Variants in F12 observed in about 807,000 individuals in gnomAD.
The protein encoded by F12 is Hageman factor.
In F12, 70 loss-of-function variants were observed where a neutral mutation model predicts 74.8. The observed-to-expected ratio is 0.94, with a 90% CI of 0.77 to 1.14. The LOEUF (loss-of-function observed/expected upper bound fraction) is 1.14. F12 is among the 50% of genes most tolerant of loss of function. The pLI is 0.00. For missense variants in F12, 811 were observed against 835.7 expected (o/e 0.97, Z 0.36); for synonymous variants, 373 against 356.4 (o/e 1.05, Z -0.52).
At chr5:177,406,210 C>G (rs976822948) in intron 2 of F12, 149 bp from the exon 3 acceptor site, 2 of 747,122 alleles carry the variant, frequency 2.7e-6, no homozygotes, top group Non-Finnish European at 4.6e-6. Flanking sequence ...GGTTCAGGGC[C>G]GGGCGCGGTG....
At chr5:177,402,863 G>T in intron 12 of F12, 165 bp from the exon 13 acceptor site, 5 of 994,496 alleles carry the variant, frequency 5.0e-6, no homozygotes, top group Non-Finnish European at 7.5e-6. Flanking sequence ...AGGCAAGGAG[G>T]CTGAGGTCCA....
chr5:177,406,791 G>A (rs1763307220), intron 2 of F12, among the ~76,000 whole-genome samples: 1 of 152,180 alleles, frequency 6.6e-6, no homozygotes, highest in South Asian at 2.1e-4. Context: ...TAACTCCCAA[G>A]TCAATACTTG....
At chr5:177,406,305 A>ATG (rs1561642418) in intron 2 of F12, among the ~76,000 whole-genome samples, 30 of 151,882 alleles carry the variant, frequency 2.0e-4, no homozygotes, top group East Asian at 1.4e-3. Context: ...TGGCTAATAC[A>ATG]GTGAAACCCC....
In F12 at chr5:177,404,642, A is replaced by C. The variant is rs367623070; in HGVS notation, c.657T>G (p.Asp219Glu). Residue 219 changes from aspartate (D) to glutamate (E), a missense_variant, in exon 8 of 14, where the codon GAT becomes GAG. Asp to Glu is a conservative substitution (Grantham distance 45). Coordinates refer to ENST00000253496, the MANE Select transcript of F12 (RefSeq NM_000505.4). Reference sequence around the variant, plus strand: ...GGCCGCGGTAGCTGAGCCCGCGGCCATCATAGCAGCTTGCCTTGGTGTCTG... The same window carrying C: ...GGCCGCGGTAGCTGAGCCCGCGGCCCTCATAGCAGCTTGCCTTGGTGTCTG... ...CDVDTKASCYDGRGLSYRGLA... is the reference protein window; with the variant it reads ...CDVDTKASCYEGRGLSYRGLA... 1.9e-6 allele frequency: 3 copies of C among 1,606,556 alleles called. No individual in the cohort carries two copies. Among genetic ancestry groups the C allele is most frequent in the East Asian group, 2.2e-5 (1 of 44,864 alleles).
chr5:177,408,057 A>ATT (rs200381145), intron 2 of F12, among the ~76,000 whole-genome samples: 33 of 142,714 alleles, frequency 2.3e-4, no homozygotes, highest in Non-Finnish European at 4.9e-4. Flanking sequence ...CTCTAGGTAA[A>ATT]TTTTTTTTTT....
Position 177,407,872 on chromosome 5 carries a change from T to C in F12, c.115+1174A>G, listed in dbSNP as rs1581660615. 2.0e-5 allele frequency among the ~76,000 whole-genome samples: 3 copies of C among 151,338 alleles called. No individual in the cohort carries two copies. In the East Asian group the frequency reaches 5.8e-4, roughly 29 times the overall value. On this transcript the variant is annotated intron_variant, in intron 2 of 13. Coordinates refer to ENST00000253496, the MANE Select transcript of F12 (RefSeq NM_000505.4). ...ATTAGGCAAGGATAGGGCACCAAGTTTGGGTAAGGCAAGAGAGAGGAGAAA... is the reference window on the plus strand; with the variant it reads ...ATTAGGCAAGGATAGGGCACCAAGTCTGGGTAAGGCAAGAGAGAGGAGAAA...
At chr5:177,407,816 G>A (rs900778061) in intron 2 of F12, among the ~76,000 whole-genome samples, 2 of 151,648 alleles carry the variant, frequency 1.3e-5, no homozygotes, top group Non-Finnish European at 2.9e-5. Context: ...TGGGATGGAC[G>A]GACAGAGAGG....
chr5:177,402,519 G>A (rs1286039239), intron 13 of F12, 31 bp downstream of exon 13: 1 of 1,604,156 alleles, frequency 6.2e-7, no homozygotes, highest in East Asian at 2.3e-5. Flanking sequence ...GACGGCCTCG[G>A]GGAAGGGCGC....
rs2127358999 is a variant in F12 at position 177,402,937 on chromosome 5, G to C, written c.1532-239C>G. The stretch of plus-strand genomic sequence containing the variant: ...AAACCCCTCCCCCACCACCCATCCA[G>C]AGTCGCAGAACCTGGCTCCCACACT... On this transcript the variant is annotated intron_variant, in intron 12 of 13. Transcript: ENST00000253496. The C allele has an allele frequency of 4.4e-6, 3 of 683,982 alleles. No homozygotes were observed. The South Asian group carries it at 5.7e-5, about 13-fold the overall frequency. The allele number at this position is 683,982 out of a possible 1,614,324, so 42.4% of individuals were successfully genotyped here.
At position 177,404,925 on chromosome 5, in the gene F12, G is replaced by T. The variant is rs763039516; in HGVS notation, c.530-11C>A. 6.3e-7 allele frequency: 1 copy of T among 1,594,164 alleles called. No individual in the cohort carries two copies. Among genetic ancestry groups the T allele is most frequent in the Non-Finnish European group, 8.5e-7 (1 of 1,174,190 alleles). The stretch of plus-strand genomic sequence containing the variant: ...GGTTGGTGCGGCAGGCTTGGGGAGG[G>T]AACGCAGTGAGCCACCCCTGGGCCT... On this transcript the variant is annotated splice_polypyrimidine_tract_variant and intron_variant, in intron 6 of 13. Coordinates refer to ENST00000253496, the MANE Select transcript of F12 (RefSeq NM_000505.4).
chr5:177,406,180 A>T, intron 2 of F12, 119 bp from the exon 3 acceptor site: 1 of 940,204 alleles, frequency 1.1e-6, no homozygotes, highest in Admixed American at 1.9e-5. Context: ...CATTGAAAAC[A>T]CTTTCTGCTC....
chr5:177,404,466 G>C, intron 8 of F12, 33 bp downstream of exon 8: 1 of 1,596,248 alleles, frequency 6.3e-7, no homozygotes, highest in Non-Finnish European at 8.5e-7. Context: ...GGAGCCCTGG[G>C]GCGGAGGGGT....
chr5:177,409,316 C>T (rs1763353848), intron 1 of F12, among the ~76,000 whole-genome samples, 155 bp downstream of exon 1: 1 of 152,142 alleles, frequency 6.6e-6, no homozygotes, highest in African/African-American at 2.4e-5. Flanking sequence ...GGTTGTCTGT[C>T]TCCTCTGCCT....
chr5:177,403,249 C>T lies in F12; in HGVS notation c.1531+5G>A. 1 of 1,600,632 alleles carries T rather than the reference C, an allele frequency of 6.2e-7. No homozygotes were observed. The highest frequency in any genetic ancestry group is 2.2e-5 in the East Asian group (1 of 44,868). ...CCTACCCCTGCCCCTAGCAGTTGTG[C>T]CTACCCTCGAACTGGTGGCCCCAGC... is the stretch of plus-strand genomic sequence containing the variant. On this transcript the variant is annotated splice_donor_5th_base_variant and intron_variant, in intron 12 of 13. Coordinates refer to ENST00000253496, the MANE Select transcript of F12 (RefSeq NM_000505.4).
chr5:177,402,573 C>T lies in F12; in HGVS notation c.1657G>A (p.Glu553Lys), dbSNP rs1381789484. ...LPGMLCAGFL[E>K]GGTDACQGDS... is the part of the protein sequence containing the mutation. ...ACCTGGCACGCATCGGTGCCGCCCT[C>T]GAGGAACCCTGCGCAGAGCATGCCG... Residue 553 changes from glutamate to lysine, a missense_variant, in exon 13 of 14, where the codon GAG (glutamate) becomes AAG (lysine). Physicochemically the swap from Glu to Lys is moderately conservative, Grantham distance 56. Transcript: ENST00000253496. The T allele has an allele frequency of 3.1e-6, 5 of 1,612,552 alleles. No homozygotes were observed. Among genetic ancestry groups the T allele is most frequent in the African/African-American group, 2.7e-5 (2 of 75,042 alleles).
rs377676479 is a variant in F12, at chr5:177,405,392, A to G, written c.328T>C (p.Cys110Arg). ...TGGGGGCCGCTTGGCATGTTCACAC[A>G]GGTCCCTCCTTTCTGGCAGGGGCTG... ...KHSPCQKGGT[C>R]VNMPSGPHCL... is the part of the protein sequence containing the mutation. Residue 110 changes from cysteine to arginine, a missense_variant, in exon 5 of 14, where the codon TGT (cysteine) becomes CGT (arginine). Transcript: ENST00000253496. 1.7e-5 allele frequency: 27 copies of G among 1,614,010 alleles called. No individual in the cohort carries two copies. The highest frequency in any genetic ancestry group is 2.3e-5 in the Non-Finnish European group (27 of 1,180,020).
chr5:177,402,488 G>C, intron 13 of F12, 29 bp from the exon 14 acceptor site: 1 of 1,599,036 alleles, frequency 6.3e-7, no homozygotes. Flanking sequence ...GCTCAGCGCT[G>C]TGGACCTGAG....
chr5:177,403,132 AT>A (rs1045641520), intron 12 of F12, 121 bp downstream of exon 12: 7 of 1,308,730 alleles, frequency 5.3e-6, no homozygotes, highest in Non-Finnish European at 7.5e-6. Flanking sequence ...CTCACAACCC[AT>A]CAGGTCAGCG....
At chr5:177,403,010 G>T (rs1347314792) in intron 12 of F12, 3 of 699,782 alleles carry the variant, frequency 4.3e-6, no homozygotes, top group Non-Finnish European at 4.7e-6. Flanking sequence ...GCAGCCCGGC[G>T]CCCAGAGGGA....
Sources: allele counts gnomAD v4.1 joint callset (sites outside exome capture counted in the v4.1 genomes callset), GRCh38; gene constraint gnomAD v4.1.1; transcripts MANE v1.5; gene names NCBI Gene and HGNC (gene_info 2026-07-23, HGNC 2026-07-21).